Variants in PHACTR3 observed in about 807,000 individuals in gnomAD.
PHACTR3 encodes the protein phosphatase and actin regulator 3, also known as protein phosphatase 1, regulatory subunit 123.
Under a neutral mutation model 66.8 loss-of-function variants are expected in PHACTR3, and 16 were observed. The ratio of observed to expected loss-of-function variants is 0.24; its 90% CI spans 0.16 to 0.36. The LOEUF is 0.36. PHACTR3 is among the 10% of genes least tolerant of loss of function. The probability of loss-of-function intolerance (pLI) is 1.00; values close to 1 mark genes in which losing one functional copy is unlikely to be tolerated. For synonymous variants in PHACTR3, 323 were observed against 292.1 expected (o/e 1.11, Z -1.08); for missense variants, 647 against 719.9 (o/e 0.90, Z 1.16).
At chr20:59,634,225 C>T (rs4812122) in intron 1 of PHACTR3, among the ~76,000 whole-genome samples, 4,186 of 152,236 alleles carry the variant, frequency 0.027, 78 homozygotes, top group Middle Eastern at 0.071. Flanking sequence ...TCATGAGGGA[C>T]GAAGTGTTGT....
rs79408684 is a variant in PHACTR3, at chr20:59,805,966, T to C, written c.1175-75T>C. ...TTCCTCTGGCAGGTGGGCGGCTCCA[T>C]TGACAAGCCAGCCCTCCGCTAAGAC... On this transcript the variant is annotated intron_variant, in intron 7 of 12. Transcript: ENST00000371015. The C allele has an allele frequency of 8.1e-3, 12,222 of 1,509,932 alleles. 430 individuals carry two copies. The African/African-American group carries it at 0.093, about 12-fold the overall frequency. The allele number at this position is 1,509,932 out of a possible 1,614,324, so 93.5% of individuals were successfully genotyped here.
intron 7 of PHACTR3, among the ~76,000 whole-genome samples, chr20:59,798,792 T>C (rs2146975449): frequency 6.6e-6 from 1 of 152,204 alleles, no homozygotes; most frequent in East Asian, 1.9e-4. Flanking sequence ...TTTTCTTTAT[T>C]ATTTTTTAAA....
chr20:59,697,981 A>T (rs2146600997), intron 1 of PHACTR3, among the ~76,000 whole-genome samples: 1 of 152,148 alleles, frequency 6.6e-6, no homozygotes. Context: ...TAAAATTGGA[A>T]AAACAAATGC....
intron 1 of PHACTR3, among the ~76,000 whole-genome samples, chr20:59,673,326 G>A (rs7263398): frequency 0.024 from 3,639 of 152,268 alleles, 127 homozygotes; most frequent in African/African-American, 0.077. Context: ...TTTTCAATAA[G>A]ACCTGGTATT....
chr20:59,648,608 G>A (rs2035361297), intron 1 of PHACTR3, among the ~76,000 whole-genome samples: 1 of 152,172 alleles, frequency 6.6e-6, no homozygotes, highest in African/African-American at 2.4e-5. Context: ...TTGACCTTCT[G>A]GGGCTGATGA....
At position 59,812,810 on chromosome 20, in the gene PHACTR3, T is replaced by G. The variant is rs375256603; in HGVS notation, c.1328+6616T>G. Among the ~76,000 whole-genome samples, 6 of 152,282 alleles carry G rather than the reference T, an allele frequency of 3.9e-5. No homozygotes were observed. The South Asian group carries it at 8.3e-4, about 21-fold the overall frequency. ...TAATAGCATCTGAGAGGGTCTGCCG[T>G]GACGCTGGGCAGGTGCAGTGCTGAT... is the stretch of plus-strand genomic sequence containing the variant. On this transcript the variant is annotated intron_variant, in intron 8 of 12. Transcript: ENST00000371015.
chr20:59,836,838 C>T (rs1440867985), intron 9 of PHACTR3, among the ~76,000 whole-genome samples: 1 of 152,144 alleles, frequency 6.6e-6, no homozygotes, highest in Non-Finnish European at 1.5e-5. Flanking sequence ...AGGTTTCAAG[C>T]AGGTCTTCCT....
chr20:59,795,493 G>A (rs1487321006), intron 7 of PHACTR3, among the ~76,000 whole-genome samples: 1 of 152,000 alleles, frequency 6.6e-6, no homozygotes, highest in Admixed American at 6.6e-5. Flanking sequence ...TGTACATTAT[G>A]TCTGTTTTGT....
chr20:59,692,612 G>T (rs979234068), intron 1 of PHACTR3, among the ~76,000 whole-genome samples: 1 of 152,234 alleles, frequency 6.6e-6, no homozygotes, highest in Admixed American at 6.5e-5. Flanking sequence ...AACGCTTTGA[G>T]GTAGGTGAGG....
At chr20:59,822,020 G>GATCCCACCCCTTCCCCAGCA (rs2042050007) in intron 8 of PHACTR3, among the ~76,000 whole-genome samples, 7 of 20,772 alleles carry the variant, frequency 3.4e-4, no homozygotes, top group African/African-American at 1.5e-3. Context: ...CTTCCCCAGC[G>GATCCCACCCCTTCCCCAGCA]ATCCCACCCC....
chr20:59,753,776 G>A (rs753232676), intron 3 of PHACTR3, among the ~76,000 whole-genome samples: 13 of 152,196 alleles, frequency 8.5e-5, no homozygotes, highest in African/African-American at 2.7e-4. Context: ...GTGGTGGGAC[G>A]CATGATGGGG....
rs79027948 is a variant in PHACTR3 at position 59,682,705 on chromosome 20, T to C, written c.119-60402T>C. Among the ~76,000 whole-genome samples, 557 of 152,224 alleles carry C rather than the reference T, an allele frequency of 3.7e-3. 17 individuals carry two copies. In the East Asian group the frequency reaches 0.085, roughly 23 times the overall value. ...GTGAAGGCGGTGAGGAAGTGAGCCA[T>C]GTGGATATCTGAGGCAAGAGCCTTT... On this transcript the variant is annotated intron_variant, in intron 1 of 12. Transcript: ENST00000371015.
chr20:59,639,080 GATGGA>G (rs2035010576), intron 1 of PHACTR3, among the ~76,000 whole-genome samples: 1 of 149,608 alleles, frequency 6.7e-6, no homozygotes, highest in African/African-American at 2.5e-5. Context: ...TGGATGGATG[GATGGA>G]TGGATGGATG....
chr20:59,809,923 T>C (rs554468128), intron 8 of PHACTR3, among the ~76,000 whole-genome samples: 1 of 152,356 alleles, frequency 6.6e-6, no homozygotes, highest in East Asian at 1.9e-4. Flanking sequence ...TGGTTCGCAC[T>C]ATTTGTACCG....
At chr20:59,641,742 A>G (rs1238544581) in intron 1 of PHACTR3, among the ~76,000 whole-genome samples, 1 of 152,250 alleles carries the variant, frequency 6.6e-6, no homozygotes, top group Admixed American at 6.5e-5. Flanking sequence ...GTGTGTATGT[A>G]CATTTGTGTA....
intron 1 of PHACTR3, among the ~76,000 whole-genome samples, chr20:59,681,280 A>T (rs983930689): frequency 6.6e-6 from 1 of 152,224 alleles, no homozygotes; most frequent in African/African-American, 2.4e-5. Flanking sequence ...ACATGTGCAC[A>T]TGTGCATACA....
At chr20:59,659,508 G>C (rs2035741311) in intron 1 of PHACTR3, among the ~76,000 whole-genome samples, 1 of 151,792 alleles carries the variant, frequency 6.6e-6, no homozygotes, top group Admixed American at 6.6e-5. Flanking sequence ...AAGTAGCTGG[G>C]ACTACAGGCA....
intron 7 of PHACTR3, among the ~76,000 whole-genome samples, chr20:59,797,485 T>G (rs1454385093): frequency 6.6e-6 from 1 of 152,154 alleles, no homozygotes; most frequent in Non-Finnish European, 1.5e-5. Context: ...TGGCATATTT[T>G]GGGAAAAACT....
At chr20:59,668,140 G>A (rs540716633) in intron 1 of PHACTR3, among the ~76,000 whole-genome samples, 6 of 151,376 alleles carry the variant, frequency 4.0e-5, no homozygotes, top group Admixed American at 1.3e-4. Context: ...ATGCCTGTAC[G>A]GGCTTAGAGG....
Sources: gnomAD v4.1 joint callset for allele counts (sites outside exome capture counted in the v4.1 genomes callset) on GRCh38, gnomAD v4.1.1 for gene constraint, MANE v1.5 for transcripts, NCBI Gene and HGNC (gene_info 2026-07-23, HGNC 2026-07-21) for gene names.